Variants in SEMA6D observed in about 807,000 individuals in gnomAD.
The protein encoded by SEMA6D is semaphorin-6D.
In SEMA6D, 35 loss-of-function variants were observed where a neutral mutation model predicts 106.6. The observed-to-expected ratio is 0.33, with a 90% CI of 0.25 to 0.44. SEMA6D has a LOEUF of 0.44. SEMA6D is among the 20% of genes least tolerant of loss of function. The pLI, the probability that SEMA6D is intolerant of heterozygous loss-of-function variation, is 1.00. For missense variants in SEMA6D, 1,185 were observed against 1,345.9 expected (o/e 0.88, Z 1.87); for synonymous variants, 499 against 487.7 (o/e 1.02, Z -0.31).
At chr15:47,479,962 C>A (rs1189368142) in intron 3 of SEMA6D, among the ~76,000 whole-genome samples, 4 of 148,798 alleles carry the variant, frequency 2.7e-5, no homozygotes, top group Non-Finnish European at 5.9e-5. Context: ...TTGACCTGGA[C>A]TCGAGCAATC....
intron 4 of SEMA6D, among the ~76,000 whole-genome samples, chr15:47,695,009 ATTAT>A (rs2078669323): frequency 6.6e-6 from 1 of 152,102 alleles, no homozygotes; most frequent in South Asian, 2.1e-4. Flanking sequence ...ATGGATGGAG[ATTAT>A]TTATTTATTG....
At chr15:47,577,424 A>G (rs1444023800) in intron 3 of SEMA6D, among the ~76,000 whole-genome samples, 2 of 152,272 alleles carry the variant, frequency 1.3e-5, no homozygotes, top group Non-Finnish European at 2.9e-5. Flanking sequence ...CAGAAAAGGC[A>G]CATGGCTGCA....
At chr15:47,725,428 T>C (rs1034207989) in intron 1 of SEMA6D, among the ~76,000 whole-genome samples, 3 of 152,224 alleles carry the variant, frequency 2.0e-5, no homozygotes, top group African/African-American at 7.2e-5. Context: ...ACGTTTTTAA[T>C]ACTTCCTTTT....
chr15:47,252,969 C>T (rs1395079701), intron 1 of SEMA6D, among the ~76,000 whole-genome samples: 1 of 151,938 alleles, frequency 6.6e-6, no homozygotes, highest in African/African-American at 2.4e-5. Context: ...TTAGGAATCT[C>T]CATACTGTTT....
intron 1 of SEMA6D, among the ~76,000 whole-genome samples, chr15:47,350,911 T>C (rs1176881873): frequency 6.6e-6 from 1 of 152,186 alleles, no homozygotes; most frequent in Non-Finnish European, 1.5e-5. Context: ...ATGTATGACA[T>C]GCTGGTTTGC....
intron 2 of SEMA6D, among the ~76,000 whole-genome samples, chr15:47,443,812 T>G (rs982241892): frequency 6.6e-6 from 1 of 152,096 alleles, no homozygotes; most frequent in Non-Finnish European, 1.5e-5. Context: ...GAAAAAGATA[T>G]CAGGCTGTTT....
chr15:47,403,628 C>G (rs1363386079), intron 1 of SEMA6D, among the ~76,000 whole-genome samples: 1 of 152,178 alleles, frequency 6.6e-6, no homozygotes, highest in Non-Finnish European at 1.5e-5. Context: ...GAGGAGCAGA[C>G]AGTTAACTGC....
At chr15:47,411,791 G>C (rs997027126) in intron 1 of SEMA6D, among the ~76,000 whole-genome samples, 1 of 152,078 alleles carries the variant, frequency 6.6e-6, no homozygotes, top group Non-Finnish European at 1.5e-5. Context: ...TCCGGGTTCA[G>C]ATCCCTCTAT....
chr15:47,750,059 G>A (rs2081347675), intron 1 of SEMA6D, among the ~76,000 whole-genome samples: 1 of 152,152 alleles, frequency 6.6e-6, no homozygotes, highest in South Asian at 2.1e-4. Flanking sequence ...TTAGGCTAGA[G>A]TGGGCTACAA....
chr15:47,331,614 T>G (rs1279033117), intron 1 of SEMA6D, among the ~76,000 whole-genome samples: 2 of 151,236 alleles, frequency 1.3e-5, no homozygotes, highest in African/African-American at 4.9e-5. Context: ...GACAGAATTA[T>G]TTAAAGAAAT....
At position 47,324,884 on chromosome 15, in the gene SEMA6D, T is replaced by C. The variant is rs191400877; in HGVS notation, c.-238-87509T>C. ...TTCACTTAGGACTATATTGTGAACA[T>C]CCTTACATGCCAGTAAATATAGTTT... On this transcript the variant is annotated intron_variant, in intron 1 of 19. Coordinates refer to the SEMA6D transcript ENST00000558014. 3.9e-4 allele frequency among the ~76,000 whole-genome samples: 60 copies of C among 152,168 alleles called. No individual in the cohort carries two copies. The East Asian group carries it at 0.011, about 28-fold the overall frequency.
chr15:47,341,996 T>C (rs2037833473), intron 1 of SEMA6D, among the ~76,000 whole-genome samples: 1 of 142,322 alleles, frequency 7.0e-6, no homozygotes. Flanking sequence ...TAGCACATCC[T>C]TTACCCTGTG....
chr15:47,305,789 A>G (rs2036208272), intron 1 of SEMA6D, among the ~76,000 whole-genome samples: 1 of 152,170 alleles, frequency 6.6e-6, no homozygotes, highest in African/African-American at 2.4e-5. Flanking sequence ...ACTTCTGTGA[A>G]GGTTGAGATG....
At chr15:47,675,713 C>A (rs1253039392) in intron 4 of SEMA6D, among the ~76,000 whole-genome samples, 1 of 152,174 alleles carries the variant, frequency 6.6e-6, no homozygotes, top group Non-Finnish European at 1.5e-5. Context: ...TATGGCAATT[C>A]CATGATCATC....
chr15:47,273,251 TA>T (rs5812368), intron 1 of SEMA6D, among the ~76,000 whole-genome samples: 23 of 147,628 alleles, frequency 1.6e-4, no homozygotes, highest in South Asian at 2.1e-4. Flanking sequence ...TGTCTTGCCT[TA>T]AAAAAAAAAA....
At position 47,603,067 on chromosome 15, in the gene SEMA6D, G is replaced by A. The variant is rs79719941; in HGVS notation, c.-55+2171G>A. Among the ~76,000 whole-genome samples, 413 of 152,216 alleles carry A rather than the reference G, an allele frequency of 2.7e-3. 1 individual carries two copies. Among genetic ancestry groups the A allele is most frequent in the African/African-American group, 8.9e-3 (371 of 41,534 alleles). On this transcript the variant is annotated intron_variant, in intron 4 of 19. Transcript: ENST00000558014. ...TGATAAAGGGCCCAAGTGAGATGGC[G>A]TATGCTTTCATTGGATGGTACATTA...
intron 3 of SEMA6D, among the ~76,000 whole-genome samples, chr15:47,574,355 G>T (rs186221159): frequency 4.4e-4 from 67 of 152,266 alleles, no homozygotes; most frequent in Admixed American, 3.2e-3. Flanking sequence ...ACCTCAGCTG[G>T]CTGGTCTGAT....
At chr15:47,191,595 A>G (rs1341358509) in intron 1 of SEMA6D, among the ~76,000 whole-genome samples, 1 of 152,218 alleles carries the variant, frequency 6.6e-6, no homozygotes, top group African/African-American at 2.4e-5. Context: ...ACCGTGTCCC[A>G]GGTATTGAAA....
chr15:47,216,352 G>A (rs931104440), intron 1 of SEMA6D, among the ~76,000 whole-genome samples: 5 of 152,046 alleles, frequency 3.3e-5, no homozygotes, highest in Non-Finnish European at 7.4e-5. Context: ...ACAAACATAC[G>A]CACAAGCATA....
Sources: gnomAD v4.1 joint callset for allele counts (sites outside exome capture counted in the v4.1 genomes callset) on GRCh38, gnomAD v4.1.1 for gene constraint, MANE v1.5 for transcripts, NCBI Gene and HGNC (gene_info 2026-07-23, HGNC 2026-07-21) for gene names.